The following TRAF7 variants were observed in gnomAD, a reference collection of about 807,000 sequenced individuals.
TRAF7 encodes the protein E3 ubiquitin-protein ligase TRAF7.
A neutral mutation model predicts 89.3 loss-of-function variants in TRAF7; 45 were observed. The ratio of observed to expected loss-of-function variants is 0.50; its 90% CI spans 0.40 to 0.65. The LOEUF (loss-of-function observed/expected upper bound fraction) is 0.65, where lower values mean the gene tolerates loss of function less well. Ranked by LOEUF, TRAF7 falls within the 30% of genes least tolerant of loss-of-function variation. The pLI, the probability that TRAF7 is intolerant of heterozygous loss-of-function variation, is 0.00. For missense variants in TRAF7, 677 were observed against 918.1 expected, an observed-to-expected ratio of 0.74 and a Z score of 3.39; for synonymous variants, 406 against 369.2, an observed-to-expected ratio of 1.10 and a Z score of -1.14.
Position 2,159,852 on chromosome 16 carries a change from G to A in TRAF7, c.-39+3994G>A, listed in dbSNP as rs2093050345. On this transcript the variant is annotated intron_variant, in intron 1 of 20. Transcript: ENST00000326181. The surrounding 1 kb of genome is among the most constrained non-coding windows in gnomAD (Gnocchi z 6.5). ...CCGGGCCTGGCCCGAGCAGGGAGCT[G>A]CATCTGGAAGCCCCCATCTCCCCCA... Among the ~76,000 whole-genome samples the A allele has an allele frequency of 6.6e-6, 1 of 152,246 alleles. No individual in the cohort carries two copies. The highest frequency in any genetic ancestry group is 2.1e-4 in the South Asian group (1 of 4,836).
rs1218525271 is a variant in TRAF7 at position 2,172,549 on chromosome 16, G to A, written c.744G>A (p.Glu248=). The A allele has an allele frequency of 1.3e-6, 2 of 1,578,698 alleles. No individual in the cohort carries two copies. Among genetic ancestry groups the A allele is most frequent in the African/African-American group, 1.3e-5 (1 of 74,346 alleles). ...CCCCGCTGCTCAGGATGAACCTGGAGGCCCACCTCAAGGAGTGCGAGCACA... is the reference window on the plus strand; with the variant it reads ...CCCCGCTGCTCAGGATGAACCTGGAAGCCCACCTCAAGGAGTGCGAGCACA... ...SCPPLLRMNL[E]AHLKECEHIK... Residue 248 remains glutamate (E), a synonymous_variant, in exon 9 of 21, where the codon GAG becomes GAA. Coordinates refer to ENST00000326181, the MANE Select transcript of TRAF7 (RefSeq NM_032271.3).
At chr16:2,171,122 C>G in intron 5 of TRAF7, 142 bp from the exon 6 acceptor site, 2 of 678,390 alleles carry the variant, frequency 2.9e-6, no homozygotes, top group Non-Finnish European at 5.0e-6. Context: ...TCAAGCCCCC[C>G]AGCTCTAAGC....
At chr16:2,172,136 G>A in intron 7 of TRAF7, 55 bp from the exon 8 acceptor site, 1 of 1,604,384 alleles carries the variant, frequency 6.2e-7, no homozygotes, top group Non-Finnish European at 8.5e-7. Flanking sequence ...GCCCACCCGG[G>A]TGAGGGAGCG....
chr16:2,177,119 C>G lies in TRAF7; in HGVS notation c.*545C>G, dbSNP rs2141301250. The G allele has an allele frequency of 3.8e-6, 1 of 264,414 alleles. No individual in the cohort carries two copies. The highest frequency in any genetic ancestry group is 7.4e-6 in the Non-Finnish European group (1 of 135,702). 16.4% of individuals were successfully genotyped at this position (264,414 alleles called of 1,614,324 possible). On this transcript the variant is annotated 3_prime_UTR_variant, in exon 21 of 21. Transcript: ENST00000326181. ...TAGGAGGCAACTCGTCACACCCAAG[C>G]TGCTGGCCTCCAGTCCCATCTCCCC...
Position 2,173,908 on chromosome 16 carries a change from C to G in TRAF7, c.1136-13C>G. 1 of 1,610,488 alleles carries G rather than the reference C, an allele frequency of 6.2e-7. No homozygotes were observed. The highest frequency in any genetic ancestry group is 8.5e-7 in the Non-Finnish European group (1 of 1,179,190). ...CCCAACTGGGCCTTCACCCACTGCT[C>G]CCATCTCTGCAGCCTACGACCCTCA... On this transcript the variant is annotated splice_polypyrimidine_tract_variant and intron_variant, in intron 12 of 20. Coordinates refer to ENST00000326181, the MANE Select transcript of TRAF7 (RefSeq NM_032271.3).
At position 2,168,028 on chromosome 16, in the gene TRAF7, C is replaced by T. The variant is rs748705243; in HGVS notation, c.140-49C>T. ...TCCAGCATGGGCCCCACCTCCCCCACATCTGCTGAGGGAGCCCCCACTGAG... is the reference window on the plus strand; with the variant it reads ...TCCAGCATGGGCCCCACCTCCCCCATATCTGCTGAGGGAGCCCCCACTGAG... On this transcript the variant is annotated intron_variant, in intron 3 of 20. Coordinates refer to ENST00000326181, the MANE Select transcript of TRAF7 (RefSeq NM_032271.3). This position sits in a 1 kb window ranked among gnomAD's most constrained non-coding sequence, Gnocchi z 4.1. 3.1e-5 allele frequency: 48 copies of T among 1,562,680 alleles called. 1 individual carries two copies. Among genetic ancestry groups the T allele is most frequent in the Non-Finnish European group, 2.4e-5 (27 of 1,142,370 alleles).
chr16:2,161,808 G>A lies in TRAF7; in HGVS notation c.-38-2075G>A, dbSNP rs1011386800. ...AGGCAAGCCCTGGCCAGCTCTCCCC[G>A]ACCTTCCTGCCGGGAGCTGCTGGAG... On this transcript the variant is annotated intron_variant, in intron 1 of 20. Transcript: ENST00000326181. This position sits in a 1 kb window ranked among gnomAD's most constrained non-coding sequence, Gnocchi z 5.2. Among the ~76,000 whole-genome samples, 2 of 152,178 alleles carry A rather than the reference G, an allele frequency of 1.3e-5. No homozygotes were observed. Among genetic ancestry groups the A allele is most frequent in the African/African-American group, 2.4e-5 (1 of 41,454 alleles).
At chr16:2,171,724 G>A in intron 7 of TRAF7, 119 bp downstream of exon 7, 2 of 1,493,116 alleles carry the variant, frequency 1.3e-6, no homozygotes. Context: ...CTCTGCTGGG[G>A]TTGGGATGGG....
At position 2,161,762 on chromosome 16, in the gene TRAF7, C is replaced by T. The variant is rs1596668131; in HGVS notation, c.-38-2121C>T. 6.6e-6 allele frequency among the ~76,000 whole-genome samples: 1 copy of T among 152,332 alleles called. No individual in the cohort carries two copies. The highest frequency in any genetic ancestry group is 1.9e-4 in the East Asian group (1 of 5,182). On this transcript the variant is annotated intron_variant, in intron 1 of 20. Transcript: ENST00000326181. This position sits in a 1 kb window ranked among gnomAD's most constrained non-coding sequence, Gnocchi z 5.2. ...GGCCTTACCCCAGCTGGGACATCCTCACCCCAAGCACAATGGCAAAAGGCA... is the reference window on the plus strand; with the variant it reads ...GGCCTTACCCCAGCTGGGACATCCTTACCCCAAGCACAATGGCAAAAGGCA...
chr16:2,173,756 A>G, intron 11 of TRAF7, 32 bp from the exon 12 acceptor site: 6 of 1,608,840 alleles, frequency 3.7e-6, no homozygotes, highest in Non-Finnish European at 5.1e-6. Context: ...AGCCCTGCCC[A>G]CCTGCCCTCT....
At chr16:2,164,176 G>A (rs865873124) in intron 2 of TRAF7, among the ~76,000 whole-genome samples, 175 bp downstream of exon 2, 19 of 128,222 alleles carry the variant, frequency 1.5e-4, no homozygotes, top group South Asian at 1.4e-3. Context: ...GCGCGCGCGC[G>A]CGCGCACGCG....
chr16:2,167,299 G>A (rs548445041), intron 3 of TRAF7, among the ~76,000 whole-genome samples: 5 of 152,144 alleles, frequency 3.3e-5, no homozygotes, highest in Non-Finnish European at 7.4e-5. Flanking sequence ...TGGGGAAACC[G>A]AGGCCCAGTC....
chr16:2,175,667 C>T (rs2141295773), intron 17 of TRAF7, 45 bp downstream of exon 17: 1 of 1,599,866 alleles, frequency 6.3e-7, no homozygotes, highest in Non-Finnish European at 8.5e-7. Flanking sequence ...TGCCTCCTAC[C>T]AGCACTTCCC....
intron 2 of TRAF7, among the ~76,000 whole-genome samples, 170 bp downstream of exon 2, chr16:2,164,171 CGCGCGCGCGCACGCGTGCGT>C (rs1418645678): frequency 6.7e-4 from 80 of 119,092 alleles, no homozygotes; most frequent in African/African-American, 2.5e-3. Context: ...CGCGCGCGCG[CGCGCGCGCGCACGCGTGCGT>C]GTGTGGTTGG....
chr16:2,164,157 T>TGTGTGCGC (rs1555465701), intron 2 of TRAF7, among the ~76,000 whole-genome samples, 156 bp downstream of exon 2: 13 of 126,450 alleles, frequency 1.0e-4, no homozygotes, highest in Non-Finnish European at 2.0e-4. Flanking sequence ...TGTGTGTGTG[T>TGTGTGCGC]GTGCGCGCGC....
chr16:2,173,859 T>TTGGGGGCCC, intron 12 of TRAF7, 23 bp downstream of exon 12: 2 of 1,246,224 alleles, frequency 1.6e-6, no homozygotes, highest in Non-Finnish European at 2.2e-6. Context: ...CCGCCGTGGC[T>TTGGGGGCCC]CCCGCCCACC....
At chr16:2,165,288 C>T (rs543489835) in intron 2 of TRAF7, among the ~76,000 whole-genome samples, 77 of 135,712 alleles carry the variant, frequency 5.7e-4, no homozygotes, top group African/African-American at 2.1e-3. Context: ...TGCTGCGTGG[C>T]GCGGCCTGGT....
chr16:2,173,754 C>T, intron 11 of TRAF7, 34 bp from the exon 12 acceptor site: 2 of 1,608,712 alleles, frequency 1.2e-6, no homozygotes, highest in Non-Finnish European at 1.7e-6. Context: ...GCAGCCCTGC[C>T]CACCTGCCCT....
At position 2,178,010 on chromosome 16, in the gene TRAF7, T is replaced by A. The variant is rs552006424; in HGVS notation, c.*1436T>A. ...TGTCCTTTCAGTTGGTAAATGGTTT[T>A]CTATAGAATCAATAATATTTCTTTC... On this transcript the variant is annotated 3_prime_UTR_variant, in exon 21 of 21. Coordinates refer to ENST00000326181, the MANE Select transcript of TRAF7 (RefSeq NM_032271.3). 2.4e-6 allele frequency: 1 copy of A among 413,358 alleles called. No homozygotes were observed. The highest frequency in any genetic ancestry group is 2.1e-5 in the African/African-American group (1 of 47,378). 25.6% of individuals were successfully genotyped at this position (413,358 alleles called of 1,614,324 possible).
Sources: gnomAD v4.1 joint callset for allele counts (sites outside exome capture counted in the v4.1 genomes callset) on GRCh38, gnomAD v4.1.1 for gene constraint, Gnocchi (gnomAD v3.1) non-coding constraint, MANE v1.5 for transcripts, NCBI Gene and HGNC (gene_info 2026-07-23, HGNC 2026-07-21) for gene names.